RIMBP2: variants seen among roughly 807,000 people sequenced by gnomAD.
RIMBP2 encodes the protein RIMS-binding protein 2.
RIMBP2 carries 48 observed loss-of-function variants against 118.6 expected under a neutral mutation model. That is an observed-to-expected ratio of 0.40 (90% CI 0.32 to 0.51). The LOEUF is 0.51. RIMBP2 is among the 20% of genes least tolerant of loss of function. The pLI is 0.41. For synonymous variants in RIMBP2, 762 were observed against 742.9 expected, an observed-to-expected ratio of 1.03 and a Z score of -0.42; for missense variants, 1,551 against 1,768.3, an observed-to-expected ratio of 0.88 and a Z score of 2.20.
intron 1 of RIMBP2, among the ~76,000 whole-genome samples, chr12:130,664,617 T>G (rs2136385748): frequency 6.6e-6 from 1 of 151,554 alleles, no homozygotes; most frequent in Admixed American, 6.6e-5. Flanking sequence ...ACGGGCTCCT[T>G]CAGGAAGGGG....
At chr12:130,456,958 C>T (rs2079511019) in intron 6 of RIMBP2, among the ~76,000 whole-genome samples, 1 of 152,212 alleles carries the variant, frequency 6.6e-6, no homozygotes, top group South Asian at 2.1e-4. Context: ...ATAAACCCAG[C>T]TTCTCCTGCC....
chr12:130,607,769 A>G (rs1214576772), intron 2 of RIMBP2, among the ~76,000 whole-genome samples: 1 of 151,856 alleles, frequency 6.6e-6, no homozygotes, highest in Non-Finnish European at 1.5e-5. Context: ...TTCAAGTTCC[A>G]TCTCCTTTTT....
rs544430860 is a variant in RIMBP2 at position 130,687,720 on chromosome 12, A to C, written c.-352+28502T>G. ...AAGAAACTCCCATCATCTGAAGCATATAGACTTTCAGACATCTTTCTACCC... is the reference window on the plus strand; with the variant it reads ...AAGAAACTCCCATCATCTGAAGCATCTAGACTTTCAGACATCTTTCTACCC... On this transcript the variant is annotated intron_variant, in intron 1 of 22. Transcript: ENST00000690449. Among the ~76,000 whole-genome samples, 542 of 152,366 alleles carry C rather than the reference A, an allele frequency of 3.6e-3. 3 individuals carry two copies. Among genetic ancestry groups the C allele is most frequent in the African/African-American group, 0.012 (515 of 41,592 alleles).
chr12:130,554,660 A>G (rs1031029455), intron 2 of RIMBP2, among the ~76,000 whole-genome samples: 6 of 152,230 alleles, frequency 3.9e-5, no homozygotes, highest in African/African-American at 1.4e-4. Flanking sequence ...CATTTGATAA[A>G]CATTAATTTG....
At chr12:130,461,178 C>A (rs764748700) in intron 6 of RIMBP2, among the ~76,000 whole-genome samples, 1 of 152,192 alleles carries the variant, frequency 6.6e-6, no homozygotes, top group African/African-American at 2.4e-5. Flanking sequence ...TCTCTCGAGG[C>A]GGCTGCAGAG....
chr12:130,626,801 CA>C (rs2061665203), intron 2 of RIMBP2, among the ~76,000 whole-genome samples: 1 of 151,016 alleles, frequency 6.6e-6, no homozygotes. Flanking sequence ...TCTCCTCCAT[CA>C]ACACGACTAC....
At chr12:130,508,288 T>C (rs1026317429) in intron 3 of RIMBP2, among the ~76,000 whole-genome samples, 19 of 151,800 alleles carry the variant, frequency 1.3e-4, no homozygotes, top group African/African-American at 4.6e-4. Flanking sequence ...ACCTGCCAGA[T>C]CTTGCCTCTC....
intron 6 of RIMBP2, among the ~76,000 whole-genome samples, chr12:130,462,764 G>A (rs924402989): frequency 1.3e-5 from 2 of 152,230 alleles, no homozygotes; most frequent in Non-Finnish European, 2.9e-5. Flanking sequence ...CTGGCACCAC[G>A]TGGAGCTCAC....
At position 130,620,707 on chromosome 12, in the gene RIMBP2, C is replaced by A. The variant is rs2061256681; in HGVS notation, c.-217+7615G>T. 6.6e-6 allele frequency among the ~76,000 whole-genome samples: 1 copy of A among 152,188 alleles called. No individual in the cohort carries two copies. On this transcript the variant is annotated intron_variant, in intron 2 of 22. Coordinates refer to ENST00000690449, the MANE Select transcript of RIMBP2 (RefSeq NM_001393629.1). This position sits in a 1 kb window ranked among gnomAD's most constrained non-coding sequence, Gnocchi z 5.3. ...GCCAATGTTCTCTGCATCCAATCCCCCTCTCTGTAAGGACACCAGTCATAG... is the reference window on the plus strand; with the variant it reads ...GCCAATGTTCTCTGCATCCAATCCCACTCTCTGTAAGGACACCAGTCATAG...
intron 1 of RIMBP2, among the ~76,000 whole-genome samples, chr12:130,656,020 G>A (rs2063413206): frequency 6.6e-6 from 1 of 152,224 alleles, no homozygotes; most frequent in Non-Finnish European, 1.5e-5. Flanking sequence ...GTCCATCTTA[G>A]AGCATGGGTT....
chr12:130,687,446 C>T (rs2065107754), intron 1 of RIMBP2, among the ~76,000 whole-genome samples: 1 of 152,090 alleles, frequency 6.6e-6, no homozygotes, highest in South Asian at 2.1e-4. Flanking sequence ...GGTTTCTGCA[C>T]GTTTCACTGT....
rs2076668076 is a variant in RIMBP2 at position 130,424,785 on chromosome 12, T to C, written c.2486A>G (p.Lys829Arg). The C allele has an allele frequency of 8.1e-7, 1 of 1,232,942 alleles. No individual in the cohort carries two copies. The allele number at this position is 1,232,942 out of a possible 1,614,324, so 76.4% of individuals were successfully genotyped here. A position where few individuals can be genotyped will look rare whatever the true frequency, so the allele number is the denominator to read the frequency against. ...TACTTCGGGGATACTGAAAAGTCTC[T>C]TCCTGTGGGGCTGGTGGGGAAACTC... The part of the protein sequence containing the change: ...QPEFPHQPHR[K>R]RLFSIPEVAE... The change falls in exon 16 of 23, where the codon AAG becomes AGG. Residue 829 changes from lysine to arginine, a missense_variant. Lys to Arg is a conservative substitution (Grantham distance 26). This residue lies in a region of RIMBP2 where 1,038 missense variants were observed against 1,125.1 expected (regional missense o/e 0.92). Coordinates refer to ENST00000690449, the MANE Select transcript of RIMBP2 (RefSeq NM_001393629.1). This position sits in a 1 kb window ranked among gnomAD's most constrained non-coding sequence, Gnocchi z 9.8.
intron 5 of RIMBP2, among the ~76,000 whole-genome samples, chr12:130,476,056 G>T (rs1566105804): frequency 6.6e-6 from 1 of 152,118 alleles, no homozygotes. Flanking sequence ...ACTGAGAAGG[G>T]ATGTGACTTC....
At chr12:130,536,028 A>G (rs993771606) in intron 2 of RIMBP2, among the ~76,000 whole-genome samples, 1 of 152,084 alleles carries the variant, frequency 6.6e-6, no homozygotes, top group East Asian at 1.9e-4. Flanking sequence ...AGCTCAAGCA[A>G]TCTCTCCGCC....
intron 4 of RIMBP2, among the ~76,000 whole-genome samples, chr12:130,480,592 C>T (rs2081903908): frequency 1.3e-5 from 2 of 152,104 alleles, no homozygotes; most frequent in Admixed American, 1.3e-4. Flanking sequence ...TAGCCTTTTA[C>T]TCATTTTTAT....
intron 2 of RIMBP2, among the ~76,000 whole-genome samples, chr12:130,583,511 C>T (rs2058613134): frequency 6.6e-6 from 1 of 151,772 alleles, no homozygotes; most frequent in African/African-American, 2.4e-5. Flanking sequence ...ACCATTACCA[C>T]CATTACATCA....
intron 10 of RIMBP2, among the ~76,000 whole-genome samples, chr12:130,443,828 G>C (rs1033076825): frequency 6.6e-6 from 1 of 152,202 alleles, no homozygotes; most frequent in African/African-American, 2.4e-5. Context: ...TGCTGGTGGT[G>C]ATGGTGATAG....
intron 6 of RIMBP2, among the ~76,000 whole-genome samples, chr12:130,460,055 G>C (rs1462385735): frequency 1.3e-5 from 2 of 152,228 alleles, no homozygotes; most frequent in African/African-American, 4.8e-5. Context: ...CCTTCAGTTA[G>C]AGATGAACCA....
At chr12:130,705,548 C>T (rs763213317) in intron 1 of RIMBP2, among the ~76,000 whole-genome samples, 3 of 152,230 alleles carry the variant, frequency 2.0e-5, no homozygotes, top group Admixed American at 1.3e-4. Context: ...CCCTGTAAAA[C>T]GCTCTTCCTG....
Sources: allele counts gnomAD v4.1 joint callset (sites outside exome capture counted in the v4.1 genomes callset), GRCh38; gene constraint gnomAD v4.1.1; regional missense constraint gnomAD v4.1.1; non-coding constraint Gnocchi (gnomAD v3.1); transcripts MANE v1.5; gene names NCBI Gene and HGNC (gene_info 2026-07-23, HGNC 2026-07-21).